Variants in PRKAR1A observed in about 807,000 individuals in gnomAD.
The protein encoded by PRKAR1A is protein kinase cAMP-dependent type I regulatory subunit alpha, also known as cAMP-dependent protein kinase type I-alpha regulatory subunit.
PRKAR1A carries 3 observed loss-of-function variants against 52.0 expected under a neutral mutation model. The observed-to-expected ratio is 0.06, with a 90% CI of 0.03 to 0.15. The LOEUF (loss-of-function observed/expected upper bound fraction) is 0.15, where lower values mean the gene tolerates loss of function less well. Ranked by LOEUF, PRKAR1A falls within the 10% of genes least tolerant of loss-of-function variation. The pLI, the probability that PRKAR1A is intolerant of heterozygous loss-of-function variation, is 1.00. For synonymous variants in PRKAR1A, 188 were observed against 168.4 expected, an observed-to-expected ratio of 1.12 and a Z score of -0.90; for missense variants, 240 against 477.4, an observed-to-expected ratio of 0.50 and a Z score of 4.63.
the PRKAR1A span, among the ~76,000 whole-genome samples, chr17:68,437,407 TAGTC>T: frequency 6.6e-6 from 1 of 151,768 alleles, no homozygotes; most frequent in Non-Finnish European, 1.5e-5. Flanking sequence ...ATACAAAAAT[TAGTC>T]AGGTGTGGTT....
chr17:68,426,235 T>TGGGGGGG, the PRKAR1A span: 1 of 652,388 alleles, frequency 1.5e-6, no homozygotes, highest in Non-Finnish European at 2.2e-6. Context: ...TGCCATGACC[T>TGGGGGGG]GGCGGGTGGG....
intron 2 of PRKAR1A, among the ~76,000 whole-genome samples, chr17:68,522,455 C>T (rs182509107): frequency 5.7e-3 from 862 of 152,278 alleles, no homozygotes; most frequent in Middle Eastern, 0.014. Flanking sequence ...TAATTGTTGT[C>T]AAGACATTAA....
intron 10 of PRKAR1A, 33 bp downstream of exon 10, chr17:68,530,034 G>T: frequency 6.3e-7 from 1 of 1,595,114 alleles, no homozygotes; most frequent in Non-Finnish European, 8.6e-7. Flanking sequence ...TAAATACATG[G>T]TTTCTTTAAG....
chr17:68,535,137 T>C (rs1424521169), downstream of PRKAR1A: 1 of 372,544 alleles, frequency 2.7e-6, no homozygotes, highest in African/African-American at 2.1e-5. Context: ...AGACTTTTTA[T>C]TTCATGGGAG....
intron 11 of PRKAR1A, chr17:68,543,778 A>T (rs762773229): frequency 6.9e-7 from 1 of 1,452,200 alleles, no homozygotes; most frequent in South Asian, 1.1e-5. Context: ...GAGCCTGAGA[A>T]GAGAGCTGAT....
the PRKAR1A span, among the ~76,000 whole-genome samples, chr17:68,435,446 T>A: frequency 6.6e-6 from 1 of 152,190 alleles, no homozygotes; most frequent in Admixed American, 6.5e-5. Flanking sequence ...AATTAACAAA[T>A]GCATGAATAT....
At chr17:68,441,259 C>T in the PRKAR1A span, among the ~76,000 whole-genome samples, 4 of 152,200 alleles carry the variant, frequency 2.6e-5, no homozygotes, top group East Asian at 1.9e-4. Context: ...TCTGACACAA[C>T]AGGAACGGGC....
At position 68,524,965 on chromosome 17, in the gene PRKAR1A, T is replaced by G; in HGVS notation, c.549+7T>G. 1 of 1,599,044 alleles carries G rather than the reference T, an allele frequency of 6.3e-7. No homozygotes were observed. The highest frequency in any genetic ancestry group is 8.6e-7 in the Non-Finnish European group (1 of 1,166,522). On this transcript the variant is annotated splice_region_variant and intron_variant, in intron 6 of 10. Coordinates refer to ENST00000589228, the MANE Select transcript of PRKAR1A (RefSeq NM_002734.5). ...TGATCAAGGAGAGACGGATGTAAGA[T>G]TTACCAATATCAAAAATATGTTGAT...
chr17:68,479,303 C>A, the PRKAR1A span, among the ~76,000 whole-genome samples: 6 of 152,136 alleles, frequency 3.9e-5, no homozygotes, highest in Non-Finnish European at 8.8e-5. Flanking sequence ...ATTGCTGTTC[C>A]ATTTTAGGTA....
the PRKAR1A span, chr17:68,452,917 G>C: frequency 6.2e-7 from 1 of 1,613,682 alleles, no homozygotes; most frequent in Non-Finnish European, 8.5e-7. Flanking sequence ...TACTGCTTCC[G>C]TGGACTTGAT....
upstream of PRKAR1A, among the ~76,000 whole-genome samples, chr17:68,510,054 C>T (rs1480449441): frequency 6.6e-6 from 1 of 151,990 alleles, no homozygotes; most frequent in African/African-American, 2.4e-5. Flanking sequence ...CTGACTTAAC[C>T]TTGTAGTTTG....
chr17:68,543,800 G>C (rs1475514076), intron 11 of PRKAR1A: 5 of 1,260,492 alleles, frequency 4.0e-6, no homozygotes, highest in Non-Finnish European at 5.8e-6. Flanking sequence ...AGCATGACCA[G>C]CGAGAAAGGA....
At chr17:68,464,454 G>A in the PRKAR1A span, among the ~76,000 whole-genome samples, 19 of 152,262 alleles carry the variant, frequency 1.2e-4, no homozygotes, top group East Asian at 5.8e-4. Flanking sequence ...TTGCCGAGGC[G>A]GATGGATCGT....
the PRKAR1A span, among the ~76,000 whole-genome samples, chr17:68,462,313 TA>T: frequency 0.068 from 10,395 of 152,280 alleles, 421 homozygotes; most frequent in African/African-American, 0.12. Context: ...GTGCTTTTGC[TA>T]ATGTCCTTGG....
chr17:68,461,484 C>T, the PRKAR1A span, among the ~76,000 whole-genome samples: 1 of 152,118 alleles, frequency 6.6e-6, no homozygotes, highest in Admixed American at 6.5e-5. This position sits in a 1 kb window ranked among gnomAD's most constrained non-coding sequence, Gnocchi z 4.6. Context: ...CTCCTGTCAC[C>T]CCATATGGTC....
the PRKAR1A span, among the ~76,000 whole-genome samples, chr17:68,416,770 T>G: frequency 7.0e-6 from 1 of 143,414 alleles, no homozygotes; most frequent in African/African-American, 2.4e-5. Context: ...GCTGAGACTT[T>G]CCAGAGCATT....
At chr17:68,433,466 G>T in the PRKAR1A span, 1 of 1,613,768 alleles carries the variant, frequency 6.2e-7, no homozygotes, top group East Asian at 2.2e-5. Flanking sequence ...CGGAGTACTT[G>T]CCTGTTGGTG....
the PRKAR1A span, chr17:68,436,422 A>C: frequency 1.2e-6 from 2 of 1,614,074 alleles, no homozygotes; most frequent in Admixed American, 3.3e-5. Context: ...CCCTGAAGTC[A>C]GGCTTCCAGG....
chr17:68,542,884 G>C lies in PRKAR1A; in HGVS notation c.974-8200G>C, dbSNP rs1288303574. ...GAGGAGGGGTTTTGTCCCCCGGCCAGTGCACATTAGGAATTGGCTGGTGTA... is the reference window on the plus strand; with the variant it reads ...GAGGAGGGGTTTTGTCCCCCGGCCACTGCACATTAGGAATTGGCTGGTGTA... On this transcript the variant is annotated intron_variant, in intron 11 of 11. Coordinates refer to the PRKAR1A transcript ENST00000585981. 5 of 1,143,074 alleles carry C rather than the reference G, an allele frequency of 4.4e-6. 1 individual carries two copies. In the African/African-American group the frequency reaches 6.1e-5, roughly 14 times the overall value. 70.8% of individuals were successfully genotyped at this position (1,143,074 alleles called of 1,614,324 possible).
Sources: gnomAD v4.1 joint callset for allele counts (sites outside exome capture counted in the v4.1 genomes callset) on GRCh38, gnomAD v4.1.1 for gene constraint, Gnocchi (gnomAD v3.1) non-coding constraint, MANE v1.5 for transcripts, NCBI Gene and HGNC (gene_info 2026-07-23, HGNC 2026-07-21) for gene names.